Variants in CEP95 observed in about 807,000 individuals in gnomAD.
CEP95 encodes the protein centrosomal protein of 95 kDa.
A neutral mutation model predicts 111.2 loss-of-function variants in CEP95; 98 were observed. The ratio of observed to expected loss-of-function variants is 0.88; its 90% CI spans 0.75 to 1.04. The LOEUF (loss-of-function observed/expected upper bound fraction) is 1.04, where lower values mean the gene tolerates loss of function less well. Among genes scored for constraint, CEP95 ranks in the 50% least tolerant of loss-of-function variants. CEP95 has a pLI of 0.00. For synonymous variants in CEP95, 323 were observed against 327.1 expected (o/e 0.99, Z 0.14); for missense variants, 1,027 against 977.2 (o/e 1.05, Z -0.68).
At chr17:64,535,698 GTCA>G (rs1302337960) in intron 17 of CEP95, 1 of 152,060 alleles carries the variant, frequency 6.6e-6, no homozygotes, top group Non-Finnish European at 1.5e-5. Context: ...TTACCAAAAG[GTCA>G]TATAGAGTTA....
Position 64,537,686 on chromosome 17 carries a change from T to C in CEP95, c.2373T>C (p.Asp791=), listed in dbSNP as rs1968751069. ...TGCAGGACATGATAACACAGAATGA[T>C]GATGATGTTTTCTTCCGGGAACTGG... is the stretch of plus-strand genomic sequence containing the variant. ...QQLQDMITQN[D]DDVFFRELEA... is the part of the protein sequence containing the mutation. Residue 791 remains aspartate (D), a synonymous_variant, in exon 20 of 20, where the codon GAT becomes GAC. Coordinates refer to ENST00000556440, the MANE Select transcript of CEP95 (RefSeq NM_138363.3). The C allele has an allele frequency of 1.4e-5, 23 of 1,613,498 alleles. No homozygotes were observed. The highest frequency in any genetic ancestry group is 1.9e-5 in the Non-Finnish European group (22 of 1,179,722).
In CEP95 at chr17:64,510,298, T is replaced by G. The variant is rs782406256; in HGVS notation, c.256+18T>G. 25 of 1,358,696 alleles carry G rather than the reference T, an allele frequency of 1.8e-5. No individual in the cohort carries two copies. The South Asian group carries it at 2.9e-4, about 16-fold the overall frequency. 84.2% of individuals were successfully genotyped at this position (1,358,696 alleles called of 1,614,324 possible). ...CATAACAGGTTGGTATATGTATAAC[T>G]ATCACATAATTATGCATTTTAGTAA... On this transcript the variant is annotated intron_variant, in intron 3 of 19. Coordinates refer to ENST00000556440, the MANE Select transcript of CEP95 (RefSeq NM_138363.3).
At position 64,515,299 on chromosome 17, in the gene CEP95, G is replaced by A. The variant is rs371201317; in HGVS notation, c.367+941G>A. 7.2e-4 allele frequency among the ~76,000 whole-genome samples: 110 copies of A among 152,240 alleles called. 2 individuals carry two copies. In the South Asian group the frequency reaches 0.022, roughly 31 times the overall value. On this transcript the variant is annotated intron_variant, in intron 4 of 19. Coordinates refer to ENST00000556440, the MANE Select transcript of CEP95 (RefSeq NM_138363.3). Reference sequence around the variant, plus strand: ...AGCATAAAGGGGGAATTAGAACTAGGGGAGAGTATTGACAGGTGGGACTCA... The same window carrying A: ...AGCATAAAGGGGGAATTAGAACTAGAGGAGAGTATTGACAGGTGGGACTCA...
intron 8 of CEP95, 120 bp downstream of exon 8, chr17:64,523,015 T>C (rs1308497627): frequency 1.3e-6 from 1 of 758,280 alleles, no homozygotes; most frequent in African/African-American, 1.8e-5. Flanking sequence ...GTCTTTATTC[T>C]TTGTCAAGGA....
chr17:64,526,086 T>TA lies in CEP95; in HGVS notation c.1039dup (p.Thr347AsnfsTer24), dbSNP rs782014917. 6.2e-7 allele frequency: 1 copy of TA among 1,613,642 alleles called. No individual in the cohort carries two copies. Among genetic ancestry groups the TA allele is most frequent in the Admixed American group, 1.7e-5 (1 of 59,952 alleles). ...TTTATTACAGAAATGAAAACAGAGC[T>TA]ACAGCCTCATCCTGCAATTCACCTT... On this transcript the variant is annotated frameshift_variant, in exon 10 of 20. Transcript: ENST00000556440. LOFTEE classifies it high-confidence loss of function.
In CEP95 at chr17:64,508,714, G is replaced by A. The variant is rs781861427; in HGVS notation, c.142G>A (p.Val48Ile). 14 of 1,396,554 alleles carry A rather than the reference G, an allele frequency of 1.0e-5. No homozygotes were observed. In the Admixed American group the frequency reaches 2.0e-4, roughly 20 times the overall value. The allele number at this position is 1,396,554 out of a possible 1,614,324, so 86.5% of individuals were successfully genotyped here. ...ALYQSILGEK[V>I]PDLIVIPRSQ... ...TTATCAGTCTATTTTGGGAGAAAAG[G>A]TACCAGGTAAGAATACTAAAAGCAG... The change falls in exon 2 of 20, where the codon GTA (valine) becomes ATA (isoleucine). Residue 48 changes from valine to isoleucine, a missense_variant. Val to Ile is a conservative substitution (Grantham distance 29). Transcript: ENST00000556440.
Position 64,532,933 on chromosome 17 carries a change from G to A in CEP95, c.1767G>A (p.Gln589=), listed in dbSNP as rs1555680652. 3.1e-6 allele frequency: 5 copies of A among 1,613,916 alleles called. No individual in the cohort carries two copies. Among genetic ancestry groups the A allele is most frequent in the Middle Eastern group, 1.7e-4 (1 of 6,060 alleles). The change falls in exon 15 of 20, where the codon CAG becomes CAA. Residue 589 remains glutamine (Q), a synonymous_variant. Transcript: ENST00000556440. ...SGPTLSKMWK[Q]QIAQVEQLKK... ...CAACACTAAGCAAAATGTGGAAACA[G>A]CAAATTGCACAGGTTGAACAGCTTA...
intron 18 of CEP95, 23 bp from the exon 19 acceptor site, chr17:64,537,018 G>GTTT: frequency 6.3e-7 from 1 of 1,579,692 alleles, no homozygotes; most frequent in Non-Finnish European, 8.6e-7. Context: ...TATAATATTT[G>GTTT]TTTTTTTTCT....
intron 16 of CEP95, chr17:64,534,118 A>G (rs1301273663): frequency 6.2e-6 from 1 of 160,798 alleles, no homozygotes; most frequent in Admixed American, 6.0e-5. Context: ...TGGAGGGAAA[A>G]AACACTAGTA....
rs782738977 is a variant in CEP95 at position 64,510,239 on chromosome 17, T to C, written c.215T>C (p.Leu72Pro). 1.2e-6 allele frequency: 2 copies of C among 1,611,998 alleles called. No individual in the cohort carries two copies. Residue 72 changes from leucine (L) to proline (P), a missense_variant, in exon 3 of 20, where the codon CTG (leucine) becomes CCG (proline). By Grantham distance (98) the Leu-to-Pro change is moderately conservative. Coordinates refer to ENST00000556440, the MANE Select transcript of CEP95 (RefSeq NM_138363.3). ...AHNVQAVIDS[L>P]ALDYLQVSLS... is the part of the protein sequence containing the mutation. ...AATGTACAAGCAGTAATTGATTCAC[T>C]GGCCTTGGACTACTTGCAGGTCAGC...
In CEP95 at chr17:64,508,215, C is replaced by T. The variant is rs782322683; in HGVS notation, c.20-377C>T. 47 of 985,336 alleles carry T rather than the reference C, an allele frequency of 4.8e-5. No individual in the cohort carries two copies. The South Asian group carries it at 5.6e-4, about 12-fold the overall frequency. 61.0% of individuals were successfully genotyped at this position (985,336 alleles called of 1,614,324 possible). A position where few individuals can be genotyped will look rare whatever the true frequency, so the allele number is the denominator to read the frequency against. ...CCTCCATTAATGAGTTTCTGGTAAC[C>T]TCGGATTATCATTAAACTGTTGTTT... On this transcript the variant is annotated intron_variant, in intron 1 of 19. Coordinates refer to ENST00000556440, the MANE Select transcript of CEP95 (RefSeq NM_138363.3).
At chr17:64,527,391 T>C (rs782694873) in intron 11 of CEP95, 127 bp downstream of exon 11, 5 of 640,896 alleles carry the variant, frequency 7.8e-6, no homozygotes, top group Non-Finnish European at 1.2e-5. Flanking sequence ...TCAAAAGTAA[T>C]ATCAAACACC....
chr17:64,516,802 A>T lies in CEP95; in HGVS notation c.447A>T (p.Ser149=). The part of the protein sequence containing the change: ...EEPESTKESK[S]SWKRVSFGRC... ...CAGAAAGTACTAAAGAATCTAAATC[A>T]TCATGGAAAAGAGTTTCTTTTGGGA... Residue 149 remains serine, a synonymous_variant, in exon 5 of 20, where the codon TCA becomes TCT. Transcript: ENST00000556440. The T allele has an allele frequency of 1.2e-6, 2 of 1,608,472 alleles. No homozygotes were observed. Among genetic ancestry groups the T allele is most frequent in the Non-Finnish European group, 1.7e-6 (2 of 1,175,138 alleles).
chr17:64,520,529 G>T (rs567126478), intron 6 of CEP95: 1 of 150,372 alleles, frequency 6.7e-6, no homozygotes, highest in Non-Finnish European at 1.5e-5. Context: ...GCGCAATCTC[G>T]GCTCACTGCA....
At chr17:64,510,709 C>T (rs903548853) in intron 3 of CEP95, among the ~76,000 whole-genome samples, 3 of 152,152 alleles carry the variant, frequency 2.0e-5, no homozygotes, top group Non-Finnish European at 2.9e-5. Flanking sequence ...ACCACCATGC[C>T]TGGCTAATTT....
At chr17:64,513,491 G>A (rs782401162) in intron 3 of CEP95, among the ~76,000 whole-genome samples, 8 of 152,096 alleles carry the variant, frequency 5.3e-5, no homozygotes, top group Non-Finnish European at 8.8e-5. Flanking sequence ...AATCTGTTAC[G>A]GAGTAGGTAC....
intron 4 of CEP95, chr17:64,515,753 C>T (rs1444736596): frequency 2.6e-5 from 4 of 152,164 alleles, no homozygotes; most frequent in African/African-American, 9.7e-5. Context: ...GCAATATTTC[C>T]TAGAGCTGAT....
chr17:64,516,897 C>G, intron 5 of CEP95, 69 bp downstream of exon 5: 2 of 853,102 alleles, frequency 2.3e-6, no homozygotes, highest in Non-Finnish European at 3.8e-6. Flanking sequence ...TAAAATCACA[C>G]GTAATATACC....
chr17:64,510,595 G>A (rs1009685458), intron 3 of CEP95, among the ~76,000 whole-genome samples: 7 of 152,156 alleles, frequency 4.6e-5, no homozygotes, highest in African/African-American at 7.2e-5. Context: ...TGTTGCCCAG[G>A]CTGGAGTGCA....
Sources: allele counts gnomAD v4.1 joint callset (sites outside exome capture counted in the v4.1 genomes callset), GRCh38; gene constraint gnomAD v4.1.1; transcripts MANE v1.5; gene names NCBI Gene and HGNC (gene_info 2026-07-23, HGNC 2026-07-21).